MEGF6: variants seen among roughly 807,000 people sequenced by gnomAD.
The protein encoded by MEGF6 is multiple epidermal growth factor-like domains protein 6.
In MEGF6, 184 loss-of-function variants were observed where a neutral mutation model predicts 207.1. The observed-to-expected ratio is 0.89, with a 90% CI of 0.79 to 1.00. MEGF6 has a LOEUF of 1.00. Ranked by LOEUF, MEGF6 falls within the 50% of genes least tolerant of loss-of-function variation. MEGF6 has a pLI of 0.00. For synonymous variants in MEGF6, 1,038 were observed against 910.0 expected, an observed-to-expected ratio of 1.14 and a Z score of -2.53; for missense variants, 2,282 against 2,202.9, an observed-to-expected ratio of 1.04 and a Z score of -0.72.
chr1:3,514,653 G>A lies in MEGF6; in HGVS notation c.750C>T (p.Asn250=). ...ACCTGTGCATGCAGCTGCCGTTCCT[G>A]TTGGCACACGGGCTTCTACCTGCAG... is the stretch of plus-strand genomic sequence containing the variant. ...RHCVRRSPCA[N]RNGSCMHRCQ... The change falls in exon 7 of 37, where the codon AAC becomes AAT. Residue 250 remains asparagine, a synonymous_variant. Coordinates refer to ENST00000356575, the MANE Select transcript of MEGF6 (RefSeq NM_001409.4). 1 of 1,583,462 alleles carries A rather than the reference G, an allele frequency of 6.3e-7. No individual in the cohort carries two copies. Among genetic ancestry groups the A allele is most frequent in the Non-Finnish European group, 8.6e-7 (1 of 1,167,224 alleles).
At chr1:3,495,742 A>C (rs767303141) in intron 30 of MEGF6, 148 bp downstream of exon 30, 4 of 1,016,390 alleles carry the variant, frequency 3.9e-6, no homozygotes, top group Non-Finnish European at 5.6e-6. Flanking sequence ...CAGCACTCTC[A>C]TCTCAGCCCC....
chr1:3,522,042 C>T (rs546194223), intron 5 of MEGF6, among the ~76,000 whole-genome samples: 20 of 152,338 alleles, frequency 1.3e-4, no homozygotes, highest in African/African-American at 4.3e-4. Flanking sequence ...GCGAGGGTCA[C>T]CACCTGTTCC....
In MEGF6 at chr1:3,514,637, T is replaced by G; in HGVS notation, c.766A>C (p.Met256Leu). ...CCCCGGACCACCTGGCACCTGTGCATGCAGCTGCCGTTCCTGTTGGCACAC... is the reference window on the plus strand; with the variant it reads ...CCCCGGACCACCTGGCACCTGTGCAGGCAGCTGCCGTTCCTGTTGGCACAC... ...SPCANRNGSCMHRCQVVRGLA... is the reference protein window; with the variant it reads ...SPCANRNGSCLHRCQVVRGLA... Residue 256 changes from methionine (M) to leucine (L), a missense_variant, in exon 7 of 37, where the codon ATG (methionine) becomes CTG (leucine). Coordinates refer to ENST00000356575, the MANE Select transcript of MEGF6 (RefSeq NM_001409.4). 6.3e-7 allele frequency: 1 copy of G among 1,582,126 alleles called. No individual in the cohort carries two copies. Among genetic ancestry groups the G allele is most frequent in the Non-Finnish European group, 8.6e-7 (1 of 1,166,528 alleles).
intron 15 of MEGF6, 134 bp from the exon 16 acceptor site, chr1:3,505,690 G>T: frequency 8.3e-7 from 1 of 1,201,664 alleles, no homozygotes; most frequent in Non-Finnish European, 1.1e-6. Flanking sequence ...CTCTCCCCCT[G>T]CAGCCCACCG....
intron 4 of MEGF6, among the ~76,000 whole-genome samples, chr1:3,537,235 A>G (rs1050371564): frequency 2.6e-5 from 4 of 152,198 alleles, no homozygotes; most frequent in African/African-American, 9.6e-5. Context: ...TCAGCGGGCA[A>G]TCTCCCACCT....
intron 4 of MEGF6, among the ~76,000 whole-genome samples, chr1:3,544,208 G>A (rs901265512): frequency 2.0e-5 from 3 of 149,892 alleles, no homozygotes; most frequent in Non-Finnish European, 2.9e-5. Context: ...CCCCAGCGTC[G>A]CAGCGGCATC....
chr1:3,555,815 C>T (rs1643016496), intron 4 of MEGF6, among the ~76,000 whole-genome samples: 2 of 152,234 alleles, frequency 1.3e-5, no homozygotes, highest in African/African-American at 4.8e-5. Flanking sequence ...CAGGACTTGC[C>T]CCTGCCCCCA....
rs1640236026 is a variant in MEGF6, at chr1:3,488,687, G to A, written c.*1841C>T. ...CAAACTCTGAGGATGGAACATCACA[G>A]TTTTCTGGCTCTCCGTGTTTCTCAC... On this transcript the variant is annotated 3_prime_UTR_variant, in exon 37 of 37. Coordinates refer to ENST00000356575, the MANE Select transcript of MEGF6 (RefSeq NM_001409.4). Among the ~76,000 whole-genome samples the A allele has an allele frequency of 6.6e-6, 1 of 152,240 alleles. No homozygotes were observed. Among genetic ancestry groups the A allele is most frequent in the Non-Finnish European group, 1.5e-5 (1 of 68,036 alleles).
the MEGF6 span, among the ~76,000 whole-genome samples, chr1:3,623,989 G>C: frequency 1.3e-5 from 2 of 152,132 alleles, no homozygotes; most frequent in East Asian, 3.8e-4. Flanking sequence ...CTCCCTGCCC[G>C]GTTCTCATCC....
intron 4 of MEGF6, among the ~76,000 whole-genome samples, chr1:3,546,701 G>A (rs1642719595): frequency 2.0e-5 from 3 of 150,288 alleles, no homozygotes; most frequent in African/African-American, 4.9e-5. Flanking sequence ...TGGGAAGGGG[G>A]CTGCCAAGGA....
rs1426288174 is a variant in MEGF6 at position 3,498,513 on chromosome 1, G to C, written c.3224-14C>G. 2 of 1,560,416 alleles carry C rather than the reference G, an allele frequency of 1.3e-6. No individual in the cohort carries two copies. Among genetic ancestry groups the C allele is most frequent in the Non-Finnish European group, 1.7e-6 (2 of 1,153,016 alleles). ...GGGGGAGGCACTCTACAGGAGCAGA[G>C]GCAGGCACGAGGGTGAGGGTCCTGC... On this transcript the variant is annotated splice_polypyrimidine_tract_variant and intron_variant, in intron 25 of 36. Coordinates refer to ENST00000356575, the MANE Select transcript of MEGF6 (RefSeq NM_001409.4).
intron 4 of MEGF6, chr1:3,531,528 G>A: frequency 1.1e-6 from 1 of 905,336 alleles, no homozygotes; most frequent in Non-Finnish European, 1.3e-6. Flanking sequence ...CCCGAGCCCC[G>A]CCCCACCTCC....
At chr1:3,546,506 A>G (rs367667099) in intron 4 of MEGF6, among the ~76,000 whole-genome samples, 14 of 151,932 alleles carry the variant, frequency 9.2e-5, no homozygotes, top group African/African-American at 3.4e-4. Context: ...CCTGTGGGCC[A>G]GGAAGGAGGG....
At chr1:3,538,496 G>A (rs1243859438) in intron 4 of MEGF6, among the ~76,000 whole-genome samples, 4 of 152,202 alleles carry the variant, frequency 2.6e-5, no homozygotes, top group African/African-American at 9.6e-5. Context: ...ATTCCTGACT[G>A]CAGCTGTCCC....
rs1408016113 is a variant in MEGF6, at chr1:3,488,712, C to T, written c.*1816G>A. On this transcript the variant is annotated 3_prime_UTR_variant, in exon 37 of 37. Transcript: ENST00000356575. ...GTTTTCTGGCTCTCCGTGTTTCTCA[C>T]GTATAGTCTGAGGTCAATTTGATTC... Among the ~76,000 whole-genome samples the T allele has an allele frequency of 3.3e-5, 5 of 152,222 alleles. No homozygotes were observed. Among genetic ancestry groups the T allele is most frequent in the Non-Finnish European group, 7.3e-5 (5 of 68,040 alleles).
At chr1:3,498,634 G>A (rs1640716946) in intron 25 of MEGF6, 64 bp downstream of exon 25, 1 of 1,502,034 alleles carries the variant, frequency 6.7e-7, no homozygotes, top group Non-Finnish European at 8.9e-7. Flanking sequence ...GCCCTCCTAG[G>A]CCTGCAGGCG....
At position 3,501,292 on chromosome 1, in the gene MEGF6, G is replaced by A. The variant is rs745433720; in HGVS notation, c.2331C>T (p.Arg777=). The A allele has an allele frequency of 2.5e-6, 4 of 1,599,928 alleles. No individual in the cohort carries two copies. The highest frequency in any genetic ancestry group is 2.7e-5 in the African/African-American group (2 of 74,614). Residue 777 remains arginine, a synonymous_variant, in exon 19 of 37, where the codon CGC becomes CGT. Transcript: ENST00000356575. The part of the protein sequence containing the change: ...EDCEADCPEG[R]WGLGCQEICP... ...AGATCTCCTGGCAGCCCAGCCCCCA[G>A]CGGCCCTCGGGACAATCTAGTGCCC...
chr1:3,602,665 G>C (rs1289536596), intron 1 of MEGF6, 65 bp from the exon 2 acceptor site: 2 of 1,544,112 alleles, frequency 1.3e-6, no homozygotes, highest in Non-Finnish European at 1.7e-6. Flanking sequence ...CACCCCTCCT[G>C]CACCCCCAGC....
Position 3,587,485 on chromosome 1 carries a change from A to G in MEGF6, c.377-7556T>C, listed in dbSNP as rs114565833. ...GAAATGTTTAACCTATAGCATTTATATATTGACTAAGTACACTGTGATGTA... is the reference window on the plus strand; with the variant it reads ...GAAATGTTTAACCTATAGCATTTATGTATTGACTAAGTACACTGTGATGTA... On this transcript the variant is annotated intron_variant, in intron 3 of 36. Transcript: ENST00000356575. Among the ~76,000 whole-genome samples, 393 of 152,378 alleles carry G rather than the reference A, an allele frequency of 2.6e-3. 2 individuals are homozygous for G. Among genetic ancestry groups the G allele is most frequent in the African/African-American group, 8.6e-3 (358 of 41,584 alleles).
Sources: allele counts gnomAD v4.1 joint callset (sites outside exome capture counted in the v4.1 genomes callset), GRCh38; gene constraint gnomAD v4.1.1; transcripts MANE v1.5; gene names NCBI Gene and HGNC (gene_info 2026-07-23, HGNC 2026-07-21).